Variants in TMEM94 observed in about 807,000 individuals in gnomAD.
TMEM94 encodes the protein ER Mg2+ ATPase.
Under a neutral mutation model 158.6 loss-of-function variants are expected in TMEM94, and 81 were observed. That is an observed-to-expected ratio of 0.51 (90% CI 0.43 to 0.61). The LOEUF (loss-of-function observed/expected upper bound fraction) is 0.61. TMEM94 is among the 20% of genes least tolerant of loss of function. The probability of loss-of-function intolerance (pLI) is 0.00; values close to 1 mark genes in which losing one functional copy is unlikely to be tolerated. For missense variants in TMEM94, 1,435 were observed against 1,762.0 expected (o/e 0.81, Z 3.32); for synonymous variants, 751 against 730.7 (o/e 1.03, Z -0.45).
Position 75,496,734 on chromosome 17 carries a change from G to A in TMEM94, c.3248G>A (p.Arg1083Gln). 2 of 1,613,712 alleles carry A rather than the reference G, an allele frequency of 1.2e-6. 1 individual carries two copies. Among genetic ancestry groups the A allele is most frequent in the East Asian group, 4.5e-5 (2 of 44,882 alleles). Reference sequence around the variant, plus strand: ...TCTGTCCCTCTTGGTCCCTAGGCTCGGCATGCCACCTATGGCATCCGTAAG... The same window carrying A: ...TCTGTCCCTCTTGGTCCCTAGGCTCAGCATGCCACCTATGGCATCCGTAAG... The part of the protein sequence containing the change: ...ISIIRLIEQA[R>Q]HATYGIRKCF... The change falls in exon 25 of 32, where the codon CGG (arginine) becomes CAG (glutamine). Residue 1083 changes from arginine to glutamine, a missense_variant. Around this residue, in one of 3 missense-constraint regions of TMEM94, gnomAD observed 335 missense variants for 409.1 expected, o/e 0.82. Transcript: ENST00000314256.
chr17:75,485,410 C>T lies in TMEM94; in HGVS notation c.25-18C>T, dbSNP rs2146548253. ...CTTGGCCTGGCAGTGACGCCCAGCG[C>T]CTCCTGCTTGCCTGCAGGGCGAGCC... On this transcript the variant is annotated intron_variant, in intron 2 of 31. Coordinates refer to ENST00000314256, the MANE Select transcript of TMEM94 (RefSeq NM_014738.6). This position sits in a 1 kb window ranked among gnomAD's most constrained non-coding sequence, Gnocchi z 5.5. The T allele has an allele frequency of 1.2e-6, 2 of 1,606,720 alleles. No individual in the cohort carries two copies. Among genetic ancestry groups the T allele is most frequent in the Middle Eastern group, 3.4e-4 (2 of 5,824 alleles).
rs76575045 is a variant in TMEM94, at chr17:75,476,126, T to G, written c.24+4197T>G. Among the ~76,000 whole-genome samples, 1,193 of 152,276 alleles carry G rather than the reference T, an allele frequency of 7.8e-3. 7 individuals are homozygous for G. The highest frequency in any genetic ancestry group is 0.012 in the Non-Finnish European group (808 of 68,010). The stretch of plus-strand genomic sequence containing the variant: ...TGATTTGGGGACTTCTCATGGATGA[T>G]GGGCTCACCCAGTGACTTGGGGACA... On this transcript the variant is annotated intron_variant, in intron 2 of 31. Transcript: ENST00000314256.
intron 2 of TMEM94, among the ~76,000 whole-genome samples, chr17:75,475,847 T>C (rs1225399053): frequency 6.6e-6 from 1 of 152,120 alleles, no homozygotes; most frequent in Non-Finnish European, 1.5e-5. Context: ...GGCAGGAAGG[T>C]GTTGGAGTCT....
intron 2 of TMEM94, among the ~76,000 whole-genome samples, chr17:75,472,699 G>C (rs971463399): frequency 6.6e-6 from 1 of 152,220 alleles, no homozygotes; most frequent in African/African-American, 2.4e-5. Flanking sequence ...AAACTGGTCA[G>C]TGGTTCCATA....
At position 75,495,794 on chromosome 17, in the gene TMEM94, G is replaced by C; in HGVS notation, c.2944+151G>C. 2 of 870,470 alleles carry C rather than the reference G, an allele frequency of 2.3e-6. No homozygotes were observed. 53.9% of individuals were successfully genotyped at this position (870,470 alleles called of 1,614,324 possible). A position where few individuals can be genotyped will look rare whatever the true frequency, so the allele number is the denominator to read the frequency against. ...CTGGGATCAGCTGGGGAATCTTGTG[G>C]GTTGGAGTCAGAAGTGCCGATGTTC... On this transcript the variant is annotated intron_variant, in intron 22 of 31. Transcript: ENST00000314256. The surrounding 1 kb of genome is among the most constrained non-coding windows in gnomAD (Gnocchi z 5.6).
At chr17:75,490,382 A>G in intron 10 of TMEM94, 32 bp downstream of exon 10, 19 of 1,603,152 alleles carry the variant, frequency 1.2e-5, no homozygotes, top group Non-Finnish European at 1.6e-5. Flanking sequence ...GGGGGAAGTC[A>G]CAGGAACAAA....
At chr17:75,475,771 A>G (rs1169276326) in intron 2 of TMEM94, among the ~76,000 whole-genome samples, 4 of 152,126 alleles carry the variant, frequency 2.6e-5, no homozygotes, top group Admixed American at 2.6e-4. Context: ...GTCTGAATGT[A>G]TTGGGGCATC....
rs150871540 is a variant in TMEM94, at chr17:75,496,431, G to T, written c.3203G>T (p.Arg1068Leu). The T allele has an allele frequency of 6.6e-5, 107 of 1,613,612 alleles. No individual in the cohort carries two copies. The highest frequency in any genetic ancestry group is 8.6e-5 in the Non-Finnish European group (101 of 1,179,998). ...AGCCTGCCCTGTTCCCTGACCTTTC[G>T]CCAGGAGGAGACCATCAGCATCATC... The part of the protein sequence containing the change: ...LNSLPCSLTF[R>L]QEETISIIRL... Residue 1068 changes from arginine to leucine, a missense_variant, in exon 24 of 32, where the codon CGC becomes CTC. Coordinates refer to ENST00000314256, the MANE Select transcript of TMEM94 (RefSeq NM_014738.6).
rs763675596 is a variant in TMEM94, at chr17:75,471,904, C to T, written c.-2C>T. The T allele has an allele frequency of 6.2e-7, 1 of 1,613,942 alleles. No individual in the cohort carries two copies. The highest frequency in any genetic ancestry group is 1.1e-5 in the South Asian group (1 of 91,068). ...TGGGCATGCCTGCAGTACTCTTGGC[C>T]CATGGACCTGAAGGAGAAGCACCTG... On this transcript the variant is annotated 5_prime_UTR_variant, in exon 2 of 32. Coordinates refer to ENST00000314256, the MANE Select transcript of TMEM94 (RefSeq NM_014738.6).
At chr17:75,497,507 T>C (rs1385359765) in intron 26 of TMEM94, among the ~76,000 whole-genome samples, 3 of 151,966 alleles carry the variant, frequency 2.0e-5, no homozygotes. Flanking sequence ...GCACCCACTA[T>C]CATGCCTGGC....
intron 2 of TMEM94, among the ~76,000 whole-genome samples, chr17:75,484,000 G>A (rs778143699): frequency 2.6e-5 from 4 of 152,154 alleles, no homozygotes; most frequent in Non-Finnish European, 5.9e-5. Flanking sequence ...CAGAGTCAAC[G>A]GAGAAAACAG....
intron 6 of TMEM94, 141 bp downstream of exon 6, chr17:75,488,275 A>G: frequency 1.4e-6 from 1 of 736,794 alleles, no homozygotes; most frequent in Non-Finnish European, 2.2e-6. Flanking sequence ...ATCTTCCTCC[A>G]CCCTGCTGTT....
In TMEM94 at chr17:75,485,947, T is replaced by TGCTC; in HGVS notation, c.221_222insGCTC (p.Ala76ThrfsTer59). ...CACTGGCCGGGGGCCTCACTCATGC[T>TGCTC]ACTGGCCGTGCTGCTGCTGCTGGGC... On this transcript the variant is annotated frameshift_variant, in exon 4 of 32. Transcript: ENST00000314256. LOFTEE classifies it high-confidence loss of function. This position sits in a 1 kb window ranked among gnomAD's most constrained non-coding sequence, Gnocchi z 5.5. The TGCTC allele has an allele frequency of 1.2e-6, 2 of 1,613,726 alleles. No individual in the cohort carries two copies. Among genetic ancestry groups the TGCTC allele is most frequent in the Non-Finnish European group, 1.7e-6 (2 of 1,179,936 alleles).
chr17:75,483,511 A>T (rs1430264707), intron 2 of TMEM94, among the ~76,000 whole-genome samples: 1 of 147,220 alleles, frequency 6.8e-6, no homozygotes, highest in African/African-American at 2.5e-5. Context: ...CCCAGGCTGG[A>T]GTGCAGTGGC....
In TMEM94 at chr17:75,495,052, G is replaced by A. The variant is rs1325198950; in HGVS notation, c.2728+18G>A. 6.2e-7 allele frequency: 1 copy of A among 1,609,548 alleles called. No individual in the cohort carries two copies. The highest frequency in any genetic ancestry group is 8.5e-7 in the Non-Finnish European group (1 of 1,177,852). ...GAATCAGGGTAAGGGCAAAGGCGTG[G>A]GGTGGGGACGGGGTGGCGGTGGGAG... On this transcript the variant is annotated intron_variant, in intron 20 of 31. Transcript: ENST00000314256. This position sits in a 1 kb window ranked among gnomAD's most constrained non-coding sequence, Gnocchi z 5.6.
chr17:75,489,782 T>A lies in TMEM94; in HGVS notation c.954+120T>A. On this transcript the variant is annotated intron_variant, in intron 9 of 31. Coordinates refer to ENST00000314256, the MANE Select transcript of TMEM94 (RefSeq NM_014738.6). This position sits in a 1 kb window ranked among gnomAD's most constrained non-coding sequence, Gnocchi z 5.0. Reference sequence around the variant, plus strand: ...CCAGAGGTCCCCTCACGCTTCAGCTTAAGAACACCTCTTTCCAGCTGGGCG... The same window carrying A: ...CCAGAGGTCCCCTCACGCTTCAGCTAAAGAACACCTCTTTCCAGCTGGGCG... 1 of 854,068 alleles carries A rather than the reference T, an allele frequency of 1.2e-6. No individual in the cohort carries two copies. The highest frequency in any genetic ancestry group is 1.9e-6 in the Non-Finnish European group (1 of 526,858). The allele number at this position is 854,068 out of a possible 1,614,324, so 52.9% of individuals were successfully genotyped here.
intron 1 of TMEM94, among the ~76,000 whole-genome samples, chr17:75,467,779 G>T (rs1021906374): frequency 3.3e-5 from 5 of 151,186 alleles, no homozygotes; most frequent in African/African-American, 1.2e-4. Flanking sequence ...TGATCCACCC[G>T]CCTCGGCCTC....
rs970446922 is a variant in TMEM94 at position 75,492,871 on chromosome 17, T to C, written c.1913-58T>C. ...AGTACCAACTCCTCACGGGACTTAA[T>C]GGACCTGGCAGGGTATTGCCAGGGC... On this transcript the variant is annotated intron_variant, in intron 15 of 31. Transcript: ENST00000314256. The surrounding 1 kb of genome is among the most constrained non-coding windows in gnomAD (Gnocchi z 4.4). The C allele has an allele frequency of 3.0e-5, 47 of 1,586,502 alleles. No homozygotes were observed. The African/African-American group carries it at 6.2e-4, about 21-fold the overall frequency.
chr17:75,490,623 C>T (rs2052080583), intron 10 of TMEM94, 79 bp from the exon 11 acceptor site: 2 of 1,308,468 alleles, frequency 1.5e-6, no homozygotes, highest in South Asian at 2.4e-5. Flanking sequence ...CTGGTGTGGG[C>T]CCCCCCTCTG....
Sources: gnomAD v4.1 joint callset for allele counts (sites outside exome capture counted in the v4.1 genomes callset) on GRCh38, gnomAD v4.1.1 for gene constraint, gnomAD v4.1.1 regional missense constraint, Gnocchi (gnomAD v3.1) non-coding constraint, MANE v1.5 for transcripts, NCBI Gene and HGNC (gene_info 2026-07-23, HGNC 2026-07-21) for gene names.